Variants in ITGB4 observed in about 807,000 individuals in gnomAD.
The protein encoded by ITGB4 is integrin subunit beta 4, also known as integrin beta-4.
ITGB4 carries 159 observed loss-of-function variants against 207.6 expected under a neutral mutation model. That is an observed-to-expected ratio of 0.77 (90% confidence interval 0.67 to 0.87). The LOEUF (loss-of-function observed/expected upper bound fraction) is 0.87, where lower values mean the gene tolerates loss of function less well. Among genes scored for constraint, ITGB4 ranks in the 40% least tolerant of loss-of-function variants. The pLI is 0.00. For synonymous variants in ITGB4, 1,020 were observed against 1,062.7 expected, an observed-to-expected ratio of 0.96 and a Z score of 0.78; for missense variants, 2,278 against 2,546.8, an observed-to-expected ratio of 0.89 and a Z score of 2.27.
At position 75,737,785 on chromosome 17, in the gene ITGB4, T is replaced by G; in HGVS notation, c.2220+141T>G. The G allele has an allele frequency of 4.5e-6, 3 of 672,024 alleles. No individual in the cohort carries two copies. In the Admixed American group the frequency reaches 6.9e-5, roughly 15 times the overall value. 41.6% of individuals were successfully genotyped at this position (672,024 alleles called of 1,614,324 possible). A position where few individuals can be genotyped will look rare whatever the true frequency, so the allele number is the denominator to read the frequency against. ...CCCAACCCCTTCCTGGGTCCCCACC[T>G]CCCCAGGGTCCCCATCCCAACAGGG... On this transcript the variant is annotated intron_variant, in intron 18 of 39. Coordinates refer to ENST00000200181, the MANE Select transcript of ITGB4 (RefSeq NM_000213.5).
intron 25 of ITGB4, among the ~76,000 whole-genome samples, chr17:75,743,279 C>G (rs556898332): frequency 1.3e-5 from 2 of 152,306 alleles, no homozygotes; most frequent in South Asian, 2.1e-4. Flanking sequence ...GCCACCCAGG[C>G]TGGAGTGCAA....
rs1249586011 is a variant in ITGB4 at position 75,743,816 on chromosome 17, C to T, written c.3066C>T (p.Ser1022=). ...VIRRVLDGGK[S]QVSYRTQDGT... Reference sequence around the variant, plus strand: ...GGCGTGTCCTGGACGGCGGGAAGTCCCAGGTCTCCTACCGCACACAGGATG... The same window carrying T: ...GGCGTGTCCTGGACGGCGGGAAGTCTCAGGTCTCCTACCGCACACAGGATG... Residue 1022 remains serine, a synonymous_variant, in exon 26 of 40, where the codon TCC becomes TCT. Transcript: ENST00000200181. 2 of 1,610,346 alleles carry T rather than the reference C, an allele frequency of 1.2e-6. No individual in the cohort carries two copies. The highest frequency in any genetic ancestry group is 1.7e-6 in the Non-Finnish European group (2 of 1,178,720).
rs146972634 is a variant in ITGB4, at chr17:75,737,217, C to T, written c.1991-105C>T. ...TCCACTCTTCCCCAGGAGGCCCTGC[C>T]GTGGGTGAGGCAGATCGCAGAGTAG... On this transcript the variant is annotated intron_variant, in intron 16 of 39. Coordinates refer to ENST00000200181, the MANE Select transcript of ITGB4 (RefSeq NM_000213.5). 1,693 of 1,417,460 alleles carry T rather than the reference C, an allele frequency of 1.2e-3. 8 individuals are homozygous for T. In the African/African-American group the frequency reaches 0.02, roughly 17 times the overall value. The allele number at this position is 1,417,460 out of a possible 1,614,324, so 87.8% of individuals were successfully genotyped here.
chr17:75,757,379 C>A, intron 39 of ITGB4, 37 bp from the exon 40 acceptor site: 1 of 1,612,998 alleles, frequency 6.2e-7, no homozygotes, highest in South Asian at 1.1e-5. Context: ...GAAGGGCAGA[C>A]CCCAAGCCAG....
chr17:75,742,669 A>G lies in ITGB4; in HGVS notation c.2870A>G (p.Glu957Gly), dbSNP rs1206082469. 4.3e-6 allele frequency: 7 copies of G among 1,613,916 alleles called. No homozygotes were observed. The highest frequency in any genetic ancestry group is 1.6e-4 in the Middle Eastern group (1 of 6,084). ...PLFIRPEDDDEKQLLVEAIDV... is the reference protein window; with the variant it reads ...PLFIRPEDDDGKQLLVEAIDV... ...TTTATCCGGCCTGAGGATGACGACG[A>G]GAAGCAGCTGCTGGTGGAGGCCATC... Residue 957 changes from glutamate to glycine, a missense_variant, in exon 25 of 40, where the codon GAG becomes GGG. Glu to Gly is a moderately conservative substitution (Grantham distance 98, BLOSUM62 -2). Coordinates refer to ENST00000200181, the MANE Select transcript of ITGB4 (RefSeq NM_000213.5). This position sits in a 1 kb window ranked among gnomAD's most constrained non-coding sequence, Gnocchi z 5.9.
Position 75,757,008 on chromosome 17 carries a change from A to C in ITGB4, c.5119A>C (p.Ser1707Arg), listed in dbSNP as rs1295330691. 1 of 1,612,058 alleles carries C rather than the reference A, an allele frequency of 6.2e-7. No homozygotes were observed. The highest frequency in any genetic ancestry group is 2.2e-5 in the East Asian group (1 of 44,820). The change falls in exon 38 of 40, where the codon AGC becomes CGC. Residue 1707 changes from serine to arginine, a missense_variant. Ser to Arg is a moderately radical substitution (Grantham distance 110). Transcript: ENST00000200181. The stretch of plus-strand genomic sequence containing the variant: ...GAGCCGGCTGACCGTGCCGGGCCTC[A>C]GCGAGAACGTGCCCTACAAGTTCAA... ...PESRLTVPGL[S>R]ENVPYKFKVQ...
At chr17:75,730,835 T>C (rs1450439888) in intron 8 of ITGB4, 40 bp from the exon 9 acceptor site, 2 of 1,498,208 alleles carry the variant, frequency 1.3e-6, no homozygotes, top group African/African-American at 1.4e-5. Context: ...TTCAGATTCA[T>C]GGAGATGCTT....
Position 75,757,191 on chromosome 17 carries a change from C to A in ITGB4, c.5219-9C>A, listed in dbSNP as rs756539001. The A allele has an allele frequency of 6.2e-7, 1 of 1,612,442 alleles. No individual in the cohort carries two copies. The highest frequency in any genetic ancestry group is 8.5e-7 in the Non-Finnish European group (1 of 1,179,910). The stretch of plus-strand genomic sequence containing the variant: ...ACCACCCTCTGACTGGCCTATCTGC[C>A]CACCCCAGGACCCTTCCCGCAGCTG... On this transcript the variant is annotated splice_polypyrimidine_tract_variant and intron_variant, in intron 38 of 39. Coordinates refer to ENST00000200181, the MANE Select transcript of ITGB4 (RefSeq NM_000213.5).
chr17:75,740,162 T>C lies in ITGB4; in HGVS notation c.2446+91T>C. On this transcript the variant is annotated intron_variant, in intron 20 of 39. Coordinates refer to ENST00000200181, the MANE Select transcript of ITGB4 (RefSeq NM_000213.5). This position sits in a 1 kb window ranked among gnomAD's most constrained non-coding sequence, Gnocchi z 5.9. ...GATCACAGCATGCCTCTTCTCTGGG[T>C]GTGGGGTGCAGGCACAGGGCTCAGC... 3.6e-6 allele frequency: 5 copies of C among 1,407,248 alleles called. No homozygotes were observed. Among genetic ancestry groups the C allele is most frequent in the Non-Finnish European group, 4.8e-6 (5 of 1,033,998 alleles). The allele number at this position is 1,407,248 out of a possible 1,614,324, so 87.2% of individuals were successfully genotyped here. A position where few individuals can be genotyped will look rare whatever the true frequency, so the allele number is the denominator to read the frequency against.
intron 2 of ITGB4, 40 bp downstream of exon 2, chr17:75,724,822 C>T: frequency 1.3e-6 from 2 of 1,525,100 alleles, no homozygotes; most frequent in Non-Finnish European, 1.8e-6. Flanking sequence ...CTGGCAGGAT[C>T]ATCCCTTGGG....
rs757056830 is a variant in ITGB4, at chr17:75,750,927, C to T, written c.3656-47C>T. ...CTGATGCCAGCATGCCCAGACCTCCCTCCCTCTGCCACTGACAGCACTCTT... is the reference window on the plus strand; with the variant it reads ...CTGATGCCAGCATGCCCAGACCTCCTTCCCTCTGCCACTGACAGCACTCTT... On this transcript the variant is annotated intron_variant, in intron 29 of 39. Coordinates refer to ENST00000200181, the MANE Select transcript of ITGB4 (RefSeq NM_000213.5). The surrounding 1 kb of genome is among the most constrained non-coding windows in gnomAD (Gnocchi z 5.5). 2.5e-6 allele frequency: 4 copies of T among 1,613,460 alleles called. No homozygotes were observed. In the Admixed American group the frequency reaches 6.7e-5, roughly 27 times the overall value.
Position 75,757,097 on chromosome 17 carries a change from CCAGGATGGAGG to C in ITGB4, c.5209_5218+1del, listed in dbSNP as rs752367587. The C allele has an allele frequency of 6.2e-7, 1 of 1,612,968 alleles. No homozygotes were observed. The highest frequency in any genetic ancestry group is 8.5e-7 in the Non-Finnish European group (1 of 1,179,950). Reference sequence around the variant, plus strand: ...GCGAGGGCATCATCACCATAGAGTCCCAGGATGGAGGTAGGCACCTGTCCTTTCCTTCACCC... The same window carrying C: ...GCGAGGGCATCATCACCATAGAGTCCTAGGCACCTGTCCTTTCCTTCACCC... On this transcript the variant is annotated splice_donor_variant and coding_sequence_variant, in exon 38 of 40. Coordinates refer to ENST00000200181, the MANE Select transcript of ITGB4 (RefSeq NM_000213.5). LOFTEE classifies it high-confidence loss of function.
At position 75,752,250 on chromosome 17, in the gene ITGB4, G is replaced by A; in HGVS notation, c.3870G>A (p.Glu1290=). 6.8e-6 allele frequency: 11 copies of A among 1,613,676 alleles called. No individual in the cohort carries two copies. The highest frequency in any genetic ancestry group is 9.3e-6 in the Non-Finnish European group (11 of 1,180,038). ...NRMLLIENLR[E]SQPYRYTVKA... ...TGCTGCTTATTGAGAACCTTCGGGA[G>A]TCCCAGCCCTACCGCTACACGGTGA... Residue 1290 remains glutamate (E), a synonymous_variant, in exon 31 of 40, where the codon GAG becomes GAA. Coordinates refer to ENST00000200181, the MANE Select transcript of ITGB4 (RefSeq NM_000213.5).
At chr17:75,756,899 G>T in intron 37 of ITGB4, 40 bp downstream of exon 37, 1 of 1,612,280 alleles carries the variant, frequency 6.2e-7, no homozygotes, top group South Asian at 1.1e-5. Flanking sequence ...CAGGGGAGGG[G>T]TAAAGAGGGG....
Position 75,730,375 on chromosome 17 carries a change from C to T in ITGB4, c.873C>T (p.Asp291=). Residue 291 remains aspartate, a synonymous_variant, in exon 8 of 40, where the codon GAC becomes GAT. Transcript: ENST00000200181. ...GCAACGATGAACGGTGCCACCTGGACACCACGGGCACCTACACCCAGTACA... is the reference window on the plus strand; with the variant it reads ...GCAACGATGAACGGTGCCACCTGGATACCACGGGCACCTACACCCAGTACA... The part of the protein sequence containing the change: ...MSRNDERCHL[D]TTGTYTQYRT... The T allele has an allele frequency of 1.9e-6, 3 of 1,613,976 alleles. No individual in the cohort carries two copies. The highest frequency in any genetic ancestry group is 1.7e-6 in the Non-Finnish European group (2 of 1,180,020).
chr17:75,743,702 G>T lies in ITGB4; in HGVS notation c.2963-11G>T. ...CCAGCACACTCTGACAAATGCCCGG[G>T]CTCCTTGCAGCCAGAGACGTGGTGT... is the stretch of plus-strand genomic sequence containing the variant. On this transcript the variant is annotated splice_polypyrimidine_tract_variant and intron_variant, in intron 25 of 39. Coordinates refer to ENST00000200181, the MANE Select transcript of ITGB4 (RefSeq NM_000213.5). 4 of 1,613,468 alleles carry T rather than the reference G, an allele frequency of 2.5e-6. No homozygotes were observed. The highest frequency in any genetic ancestry group is 3.4e-6 in the Non-Finnish European group (4 of 1,179,996).
At chr17:75,738,199 C>T (rs2061025048) in intron 18 of ITGB4, among the ~76,000 whole-genome samples, 1 of 152,036 alleles carries the variant, frequency 6.6e-6, no homozygotes. Context: ...CGCCCCCACC[C>T]CCACCTTGGC....
Position 75,756,622 on chromosome 17 carries a change from G to T in ITGB4, c.4897+5G>T. The T allele has an allele frequency of 1.9e-6, 3 of 1,612,748 alleles. No individual in the cohort carries two copies. Among genetic ancestry groups the T allele is most frequent in the Non-Finnish European group, 2.5e-6 (3 of 1,179,924 alleles). ...GCCCACTGTGTCCCCTGCCAGGTGAGTTGCCTCCCCCAGCCCCAGAGCTGC... is the reference window on the plus strand; with the variant it reads ...GCCCACTGTGTCCCCTGCCAGGTGATTTGCCTCCCCCAGCCCCAGAGCTGC... On this transcript the variant is annotated splice_donor_5th_base_variant and intron_variant, in intron 36 of 39. Transcript: ENST00000200181.
In ITGB4 at chr17:75,732,337, C is replaced by A; in HGVS notation, c.1454+98C>A. 1 of 1,200,472 alleles carries A rather than the reference C, an allele frequency of 8.3e-7. No homozygotes were observed. Among genetic ancestry groups the A allele is most frequent in the Non-Finnish European group, 1.2e-6 (1 of 813,292 alleles). 74.4% of individuals were successfully genotyped at this position (1,200,472 alleles called of 1,614,324 possible). On this transcript the variant is annotated intron_variant, in intron 12 of 39. Coordinates refer to ENST00000200181, the MANE Select transcript of ITGB4 (RefSeq NM_000213.5). The surrounding 1 kb of genome is among the most constrained non-coding windows in gnomAD (Gnocchi z 5.3). ...CCTGGCCCTGGGTGCACCTTGTACA[C>A]CTGGCTGGGGGTGGGGCGGCAATCA...
Sources: allele counts gnomAD v4.1 joint callset (sites outside exome capture counted in the v4.1 genomes callset), GRCh38; gene constraint gnomAD v4.1.1; non-coding constraint Gnocchi (gnomAD v3.1); transcripts MANE v1.5; gene names NCBI Gene and HGNC (gene_info 2026-07-23, HGNC 2026-07-21).